Variants in UGT2A3 observed in about 807,000 individuals in gnomAD.
UGT2A3 encodes the protein UDP-glucuronosyltransferase 2A3.
Under a neutral mutation model 44.1 loss-of-function variants are expected in UGT2A3, and 55 were observed. The observed-to-expected ratio is 1.25, with a 90% CI of 1.00 to 1.56. UGT2A3 has a LOEUF of 1.56. Among genes scored for constraint, UGT2A3 ranks in the 40% most tolerant of loss-of-function variants. The pLI is 0.00. For synonymous variants in UGT2A3, 243 were observed against 215.1 expected (o/e 1.13, Z -1.13); for missense variants, 733 against 621.6 (o/e 1.18, Z -1.91).
chr4:68,944,932 A>G (rs1718329627), intron 2 of UGT2A3, among the ~76,000 whole-genome samples: 1 of 151,802 alleles, frequency 6.6e-6, no homozygotes, highest in South Asian at 2.1e-4. Flanking sequence ...TCTCATGAAA[A>G]TATGCTTATT....
rs1240446173 is a variant in UGT2A3 at position 68,932,719 on chromosome 4, A to G, written c.905T>C (p.Ile302Thr). ...NFVQSSGEDG[I>T]VVFSLGSLFQ... ...CAGTGACCCCAGAGAAAACACCACA[A>G]TACCATCTTCCCCTGAACTCTGGAC... The change falls in exon 3 of 6, where the codon ATT becomes ACT. Residue 302 changes from isoleucine (I) to threonine (T), a missense_variant. Coordinates refer to ENST00000251566, the MANE Select transcript of UGT2A3 (RefSeq NM_024743.4). 6.2e-7 allele frequency: 1 copy of G among 1,611,960 alleles called. No individual in the cohort carries two copies. Among genetic ancestry groups the G allele is most frequent in the East Asian group, 2.2e-5 (1 of 44,794 alleles).
intron 2 of UGT2A3, among the ~76,000 whole-genome samples, chr4:68,940,449 T>G (rs1019857605): frequency 6.6e-6 from 1 of 151,724 alleles, no homozygotes; most frequent in Non-Finnish European, 1.5e-5. Context: ...ATCACAAGGA[T>G]AGAAAATCAA....
rs1372482438 is a variant in UGT2A3 at position 68,931,137 on chromosome 4, A to G, written c.1084+18T>C. On this transcript the variant is annotated intron_variant, in intron 4 of 5. Coordinates refer to ENST00000251566, the MANE Select transcript of UGT2A3 (RefSeq NM_024743.4). ...TTTTCCTCGTCTAGTTCATATTTTT[A>G]CTTTCTCATAGACCTACCAAGAAGA... 6.3e-6 allele frequency: 10 copies of G among 1,583,870 alleles called. No homozygotes were observed. Among genetic ancestry groups the G allele is most frequent in the Non-Finnish European group, 7.7e-6 (9 of 1,163,810 alleles).
intron 3 of UGT2A3, 128 bp from the exon 4 acceptor site, chr4:68,931,370 C>G: frequency 6.2e-6 from 4 of 647,356 alleles, no homozygotes; most frequent in Non-Finnish European, 1.0e-5. Context: ...GTGTGTAGAG[C>G]TACCGCGTAA....
rs747559844 is a variant in UGT2A3, at chr4:68,930,025, C to T, written c.1372G>A (p.Ala458Thr). The stretch of plus-strand genomic sequence containing the variant: ...ATGACAAACTCGATCCAGAAGACTG[C>T]TCGATCTAGGGGCTTTACAGGTTGA... Reference protein sequence around the residue: ...HDQPVKPLDRAVFWIEFVMRH... With the variant: ...HDQPVKPLDRTVFWIEFVMRH... The change falls in exon 6 of 6, where the codon GCA becomes ACA. Residue 458 changes from alanine to threonine, a missense_variant. Physicochemically the swap from Ala to Thr is moderately conservative, Grantham distance 58. Coordinates refer to ENST00000251566, the MANE Select transcript of UGT2A3 (RefSeq NM_024743.4). The T allele has an allele frequency of 2.5e-6, 4 of 1,613,432 alleles. No homozygotes were observed. The highest frequency in any genetic ancestry group is 1.3e-5 in the African/African-American group (1 of 74,894).
In UGT2A3 at chr4:68,929,957, G is replaced by A. The variant is rs773079693; in HGVS notation, c.1440C>T (p.Asp480=). The change falls in exon 6 of 6, where the codon GAC becomes GAT. Residue 480 remains aspartate (D), a synonymous_variant. Transcript: ENST00000251566. ...TAGAGTAGTGCTGGAACCAGGTGAG[G>A]TCATGGGCAGCTGATCGCAGGTGCT... ...GAKHLRSAAH[D]LTWFQHYSID... 4.3e-5 allele frequency: 69 copies of A among 1,613,626 alleles called. No individual in the cohort carries two copies. In the Middle Eastern group the frequency reaches 8.3e-4, roughly 19 times the overall value.
chr4:68,946,319 A>T (rs1425187514), intron 1 of UGT2A3, among the ~76,000 whole-genome samples: 1 of 151,672 alleles, frequency 6.6e-6, no homozygotes, highest in Non-Finnish European at 1.5e-5. Context: ...TGGTGGTGTT[A>T]TACACCATAG....
At position 68,930,673 on chromosome 4, in the gene UGT2A3, TGG is replaced by T; in HGVS notation, c.1175_1176del (p.Pro392HisfsTer4). On this transcript the variant is annotated frameshift_variant, in exon 5 of 6. Transcript: ENST00000251566. LOFTEE classifies it high-confidence loss of function. ...ATGTTATCAAGCTGATCACCAAATA[TGG>T]GAACTCCCACCATAGGGACCCCATG... is the stretch of plus-strand genomic sequence containing the variant. ...IYHGVPMVGV[P>X]IFGDQLDNIA... 6.2e-7 allele frequency: 1 copy of T among 1,613,486 alleles called. No homozygotes were observed. Among genetic ancestry groups the T allele is most frequent in the Non-Finnish European group, 8.5e-7 (1 of 1,179,642 alleles).
rs747416498 is a variant in UGT2A3 at position 68,931,245 on chromosome 4, A to G, written c.997-3T>C. The G allele has an allele frequency of 8.1e-6, 13 of 1,609,718 alleles. No homozygotes were observed. The highest frequency in any genetic ancestry group is 1.7e-5 in the Admixed American group (1 of 59,724). ...TTTCCTTTGTACCTCCATAACACCT[A>G]CGGAAGAAACACATGTATTTCACAG... On this transcript the variant is annotated splice_polypyrimidine_tract_variant and splice_region_variant and intron_variant, in intron 3 of 5. Coordinates refer to ENST00000251566, the MANE Select transcript of UGT2A3 (RefSeq NM_024743.4).
At chr4:68,947,484 A>T (rs1348797633) in intron 1 of UGT2A3, among the ~76,000 whole-genome samples, 1 of 151,806 alleles carries the variant, frequency 6.6e-6, no homozygotes, top group African/African-American at 2.4e-5. Flanking sequence ...TGATGTCTTC[A>T]ATCCCTCAAA....
chr4:68,935,276 G>A (rs28793960), intron 2 of UGT2A3, among the ~76,000 whole-genome samples: 861 of 59,550 alleles, frequency 0.014, 13 homozygotes, highest in East Asian at 0.049. Flanking sequence ...ATGTATGTAT[G>A]TATATATATA....
intron 2 of UGT2A3, among the ~76,000 whole-genome samples, chr4:68,942,319 ATC>A (rs3071533): frequency 0.1 from 14,685 of 145,650 alleles, 2,343 homozygotes; most frequent in African/African-American, 0.33. Flanking sequence ...ATTTGAAAAT[ATC>A]TCTCTCTCTC....
intron 1 of UGT2A3, among the ~76,000 whole-genome samples, chr4:68,949,672 A>G (rs1718508704): frequency 1.3e-5 from 2 of 151,934 alleles, no homozygotes; most frequent in South Asian, 4.1e-4. Context: ...AGGACAATAA[A>G]GCAATGTATA....
chr4:68,933,805 T>C (rs1717833673), intron 2 of UGT2A3, among the ~76,000 whole-genome samples: 1 of 152,048 alleles, frequency 6.6e-6, no homozygotes, highest in Admixed American at 6.6e-5. Context: ...TATGTTTTCA[T>C]GGTCATGATA....
chr4:68,944,935 T>C (rs1003445007), intron 2 of UGT2A3, among the ~76,000 whole-genome samples: 2 of 151,756 alleles, frequency 1.3e-5, no homozygotes, highest in Non-Finnish European at 2.9e-5. Flanking sequence ...CATGAAAATA[T>C]GCTTATTTCT....
intron 2 of UGT2A3, among the ~76,000 whole-genome samples, chr4:68,937,820 C>T (rs1413167692): frequency 6.6e-6 from 1 of 151,824 alleles, no homozygotes; most frequent in Non-Finnish European, 1.5e-5. Flanking sequence ...ACTAGCAAGA[C>T]AAATAAAGAA....
At chr4:68,935,351 G>T (rs1214629238) in intron 2 of UGT2A3, among the ~76,000 whole-genome samples, 1 of 140,292 alleles carries the variant, frequency 7.1e-6, no homozygotes, top group Non-Finnish European at 1.5e-5. Context: ...GAAGAATCCA[G>T]CAGCAATATT....
chr4:68,930,669 A>C lies in UGT2A3; in HGVS notation c.1181T>G (p.Phe394Cys). Residue 394 changes from phenylalanine (F) to cysteine (C), a missense_variant, in exon 5 of 6, where the codon TTT becomes TGT. Physicochemically the swap from Phe to Cys is radical, Grantham distance 205. Transcript: ENST00000251566. ...HGVPMVGVPIFGDQLDNIAHM... is the reference protein window; with the variant it reads ...HGVPMVGVPICGDQLDNIAHM... ...AGCTATGTTATCAAGCTGATCACCA[A>C]ATATGGGAACTCCCACCATAGGGAC... 1 of 1,613,566 alleles carries C rather than the reference A, an allele frequency of 6.2e-7. No homozygotes were observed. The highest frequency in any genetic ancestry group is 1.3e-5 in the African/African-American group (1 of 75,030).
Position 68,931,236 on chromosome 4 carries a change from A to C in UGT2A3, c.1003T>G (p.Trp335Gly). The C allele has an allele frequency of 6.2e-7, 1 of 1,612,430 alleles. No homozygotes were observed. The highest frequency in any genetic ancestry group is 8.5e-7 in the Non-Finnish European group (1 of 1,179,038). ...GATGGTTTTTTTCCTTTGTACCTCC[A>C]TAACACCTACGGAAGAAACACATGT... Reference protein sequence around the residue: ...ALAQIPQKVLWRYKGKKPSTL... With the variant: ...ALAQIPQKVLGRYKGKKPSTL... Residue 335 changes from tryptophan to glycine, a missense_variant, in exon 4 of 6, where the codon TGG (tryptophan) becomes GGG (glycine). Coordinates refer to ENST00000251566, the MANE Select transcript of UGT2A3 (RefSeq NM_024743.4).
Sources: gnomAD v4.1 joint callset for allele counts (sites outside exome capture counted in the v4.1 genomes callset) on GRCh38, gnomAD v4.1.1 for gene constraint, MANE v1.5 for transcripts, NCBI Gene and HGNC (gene_info 2026-07-23, HGNC 2026-07-21) for gene names.